DLGAP4: variants seen among roughly 807,000 people sequenced by gnomAD.
DLGAP4 encodes the protein disks large-associated protein 4.
DLGAP4 carries 18 observed loss-of-function variants against 86.9 expected under a neutral mutation model. The observed-to-expected ratio is 0.21, with a 90% CI of 0.14 to 0.31. The LOEUF (loss-of-function observed/expected upper bound fraction) is 0.31, where lower values mean the gene tolerates loss of function less well. Ranked by LOEUF, DLGAP4 falls within the 10% of genes least tolerant of loss-of-function variation. The pLI is 1.00. For missense variants in DLGAP4, 1,085 were observed against 1,362.6 expected (o/e 0.80, Z 3.21); for synonymous variants, 548 against 574.3 (o/e 0.95, Z 0.65).
At chr20:36,451,109 C>T (rs781579203) in intron 7 of DLGAP4, among the ~76,000 whole-genome samples, 6 of 152,204 alleles carry the variant, frequency 3.9e-5, no homozygotes, top group Admixed American at 6.5e-5. Flanking sequence ...GCATCTTGAA[C>T]GGTCTTACTC....
At chr20:36,321,293 C>T (rs983706401) in intron 1 of DLGAP4, among the ~76,000 whole-genome samples, 1 of 152,230 alleles carries the variant, frequency 6.6e-6, no homozygotes, top group African/African-American at 2.4e-5. Context: ...GAAGACCTGG[C>T]TGCACATGGG....
intron 1 of DLGAP4, among the ~76,000 whole-genome samples, chr20:36,346,507 G>GCA (rs2029944311): frequency 6.6e-6 from 1 of 152,230 alleles, no homozygotes; most frequent in Non-Finnish European, 1.5e-5. Context: ...ATGGCATTGT[G>GCA]GATGGGGGAA....
chr20:36,396,404 AC>A (rs1416226256), intron 2 of DLGAP4, among the ~76,000 whole-genome samples: 3 of 48,216 alleles, frequency 6.2e-5, no homozygotes, highest in Admixed American at 2.6e-4. Context: ...ACATACACAC[AC>A]CACATACACA....
At chr20:36,339,009 C>T (rs576560750) in intron 1 of DLGAP4, among the ~76,000 whole-genome samples, 7 of 152,234 alleles carry the variant, frequency 4.6e-5, no homozygotes, top group Non-Finnish European at 1.0e-4. Flanking sequence ...CTCAGCGGCT[C>T]TCTCGGGAGA....
intron 10 of DLGAP4, among the ~76,000 whole-genome samples, chr20:36,516,849 G>C (rs1383475145): frequency 6.6e-6 from 1 of 151,906 alleles, no homozygotes; most frequent in Non-Finnish European, 1.5e-5. Context: ...CCAACACTTT[G>C]GGAGGCTGAG....
At chr20:36,512,207 C>T (rs142969572) in intron 10 of DLGAP4, among the ~76,000 whole-genome samples, 4,186 of 151,706 alleles carry the variant, frequency 0.028, 89 homozygotes, top group Middle Eastern at 0.065. Flanking sequence ...CCCACCACCT[C>T]GCCCAGCTAA....
At chr20:36,396,438 CCA>C (rs756074731) in intron 2 of DLGAP4, among the ~76,000 whole-genome samples, 7,631 of 61,996 alleles carry the variant, frequency 0.12, 950 homozygotes, top group African/African-American at 0.35. Context: ...ATACACACAC[CCA>C]CACACACACA....
chr20:36,474,700 C>T (rs535079053), intron 7 of DLGAP4, among the ~76,000 whole-genome samples: 2 of 152,214 alleles, frequency 1.3e-5, no homozygotes, highest in African/African-American at 2.4e-5. Flanking sequence ...TGCTGCTGTC[C>T]CAGCAGTTTC....
chr20:36,367,946 C>T (rs1218060021), intron 2 of DLGAP4, among the ~76,000 whole-genome samples: 1 of 152,242 alleles, frequency 6.6e-6, no homozygotes, highest in Admixed American at 6.5e-5. Context: ...AGAGGCTCAA[C>T]CAGGTCAAGA....
intron 1 of DLGAP4, among the ~76,000 whole-genome samples, chr20:36,349,591 G>A (rs191147880): frequency 1.1e-3 from 175 of 152,216 alleles, no homozygotes; most frequent in African/African-American, 3.4e-3. Flanking sequence ...GCAGGAGTGC[G>A]CCTGGTTTGA....
intron 6 of DLGAP4, 58 bp downstream of exon 6, chr20:36,442,835 G>A (rs1331343254): frequency 1.9e-6 from 3 of 1,610,862 alleles, no homozygotes; most frequent in Non-Finnish European, 2.5e-6. Context: ...CTGGGCCTTA[G>A]GCCTGCCCTC....
At chr20:36,505,411 AGAAGCT>A (rs558004517) in intron 10 of DLGAP4, among the ~76,000 whole-genome samples, 146 of 152,274 alleles carry the variant, frequency 9.6e-4, no homozygotes, top group Non-Finnish European at 1.8e-3. Flanking sequence ...TGAGGCACTG[AGAAGCT>A]GACTGGCAGT....
chr20:36,403,144 T>A (rs559780133), intron 2 of DLGAP4, among the ~76,000 whole-genome samples: 1 of 152,288 alleles, frequency 6.6e-6, no homozygotes, highest in African/African-American at 2.4e-5. Flanking sequence ...TAATGTATAA[T>A]GAACAGAAAT....
intron 1 of DLGAP4, among the ~76,000 whole-genome samples, chr20:36,365,827 C>T (rs1387379857): frequency 6.6e-6 from 1 of 152,180 alleles, no homozygotes; most frequent in Non-Finnish European, 1.5e-5. Context: ...CCTTATTCCT[C>T]CCATCCCAGA....
intron 2 of DLGAP4, among the ~76,000 whole-genome samples, chr20:36,406,708 G>T (rs763831394): frequency 2.0e-5 from 3 of 152,230 alleles, no homozygotes; most frequent in Admixed American, 6.5e-5. Flanking sequence ...AGTACTGTGC[G>T]CAACCCATCC....
At chr20:36,319,958 C>T (rs1354083818) in intron 1 of DLGAP4, among the ~76,000 whole-genome samples, 1 of 151,784 alleles carries the variant, frequency 6.6e-6, no homozygotes, top group Non-Finnish European at 1.5e-5. Flanking sequence ...TCCCCCGGGC[C>T]TCCCTCTGCG....
chr20:36,377,755 G>A (rs777579445), intron 2 of DLGAP4, among the ~76,000 whole-genome samples: 4 of 152,130 alleles, frequency 2.6e-5, no homozygotes, highest in Admixed American at 6.5e-5. Flanking sequence ...AGGTTGGGGC[G>A]GCGGATGCCA....
chr20:36,511,469 G>T (rs2036689726), intron 10 of DLGAP4, among the ~76,000 whole-genome samples: 1 of 152,100 alleles, frequency 6.6e-6, no homozygotes, highest in South Asian at 2.1e-4. Context: ...CTCCCAAAGT[G>T]CTGGGATTAC....
intron 2 of DLGAP4, among the ~76,000 whole-genome samples, chr20:36,429,398 CTTTTTT>C (rs151254062): frequency 1.4e-4 from 11 of 76,038 alleles, no homozygotes; most frequent in African/African-American, 5.6e-4. Flanking sequence ...TTCTTTTTTT[CTTTTTT>C]TTTTTTTTTT....
Sources: gnomAD v4.1 joint callset for allele counts (sites outside exome capture counted in the v4.1 genomes callset) on GRCh38, gnomAD v4.1.1 for gene constraint, MANE v1.5 for transcripts, NCBI Gene and HGNC (gene_info 2026-07-23, HGNC 2026-07-21) for gene names.